AKAP13: variants seen among roughly 807,000 people sequenced by gnomAD.
AKAP13 encodes A-kinase anchor protein 13.
AKAP13 carries 80 observed loss-of-function variants against 264.5 expected under a neutral mutation model. That is an observed-to-expected ratio of 0.30 (90% confidence interval 0.25 to 0.36). AKAP13 has a LOEUF of 0.36. Among genes scored for constraint, AKAP13 ranks in the 10% least tolerant of loss-of-function variants. AKAP13 has a pLI of 1.00. For missense variants in AKAP13, 3,712 were observed against 3,435.2 expected (o/e 1.08, Z -2.01); for synonymous variants, 1,380 against 1,250.2 (o/e 1.10, Z -2.19).
intron 8 of AKAP13, among the ~76,000 whole-genome samples, chr15:85,612,123 C>T (rs997050886): frequency 3.3e-5 from 5 of 152,192 alleles, no homozygotes; most frequent in Non-Finnish European, 7.3e-5. Flanking sequence ...ACTATACAGT[C>T]CCAATAATGT....
intron 2 of AKAP13, among the ~76,000 whole-genome samples, chr15:85,487,097 C>T (rs371475869): frequency 6.6e-6 from 1 of 152,092 alleles, no homozygotes; most frequent in Admixed American, 6.5e-5. Context: ...GTGTACTGAT[C>T]CCTGAAACTA....
chr15:85,397,968 T>A (rs1457930351), intron 1 of AKAP13, among the ~76,000 whole-genome samples: 1 of 152,158 alleles, frequency 6.6e-6, no homozygotes, highest in Non-Finnish European at 1.5e-5. Flanking sequence ...ATTCTAATCC[T>A]CACAAAATGT....
intron 10 of AKAP13, among the ~76,000 whole-genome samples, chr15:85,653,352 G>T (rs185386333): frequency 6.0e-4 from 91 of 152,278 alleles, no homozygotes; most frequent in African/African-American, 2.1e-3. Flanking sequence ...TGATTCTGCT[G>T]CTCATGCCTG....
intron 2 of AKAP13, among the ~76,000 whole-genome samples, chr15:85,495,030 T>G (rs751987747): frequency 6.6e-6 from 1 of 152,136 alleles, no homozygotes; most frequent in African/African-American, 2.4e-5. Flanking sequence ...TCCTCTATAG[T>G]GAAGGAAGTA....
chr15:85,552,575 T>G (rs1234304757), intron 5 of AKAP13, among the ~76,000 whole-genome samples: 3 of 152,088 alleles, frequency 2.0e-5, no homozygotes, highest in East Asian at 1.9e-4. Flanking sequence ...CCTAACACTT[T>G]TAAAAATACA....
intron 1 of AKAP13, among the ~76,000 whole-genome samples, chr15:85,452,612 T>C (rs2074132219): frequency 6.6e-6 from 1 of 152,208 alleles, no homozygotes; most frequent in Non-Finnish European, 1.5e-5. Flanking sequence ...ACTTCTTGTT[T>C]CTGGTTTCAG....
chr15:85,541,699 A>G (rs951245054), intron 4 of AKAP13, among the ~76,000 whole-genome samples: 5 of 152,258 alleles, frequency 3.3e-5, no homozygotes, highest in African/African-American at 1.2e-4. Context: ...TGCACAATGA[A>G]GATAACCAGA....
intron 1 of AKAP13, among the ~76,000 whole-genome samples, chr15:85,460,259 G>C (rs1596251634): frequency 1.3e-5 from 2 of 152,162 alleles, no homozygotes; most frequent in East Asian, 3.9e-4. Context: ...ACTTCTAGCA[G>C]TTTTCTGACT....
chr15:85,563,999 A>G (rs2078512485), intron 5 of AKAP13, among the ~76,000 whole-genome samples: 1 of 152,196 alleles, frequency 6.6e-6, no homozygotes, highest in Non-Finnish European at 1.5e-5. Context: ...ACCTTGAACA[A>G]ATATGTTAAT....
chr15:85,648,251 C>T (rs893896624), intron 10 of AKAP13, among the ~76,000 whole-genome samples: 20 of 151,970 alleles, frequency 1.3e-4, no homozygotes, highest in Admixed American at 2.0e-4. Flanking sequence ...ATTTGTTAAA[C>T]ATTTATATAT....
intron 1 of AKAP13, among the ~76,000 whole-genome samples, chr15:85,479,659 A>T (rs2075290266): frequency 1.3e-5 from 2 of 152,158 alleles, no homozygotes; most frequent in South Asian, 4.1e-4. Context: ...GGTATGTCAG[A>T]CCTGGACAGC....
At chr15:85,693,256 T>C (rs752011645) in intron 16 of AKAP13, 21 bp from the exon 17 acceptor site, 1 of 1,585,188 alleles carries the variant, frequency 6.3e-7, no homozygotes. Flanking sequence ...TAACTGTGGA[T>C]TATTTTCTTT....
At chr15:85,548,983 T>A (rs780189716) in intron 5 of AKAP13, among the ~76,000 whole-genome samples, 6 of 151,618 alleles carry the variant, frequency 4.0e-5, no homozygotes, top group African/African-American at 1.5e-4. Flanking sequence ...AAACAATTCA[T>A]GTAGAGAGCA....
chr15:85,552,255 A>G (rs2077983492), intron 5 of AKAP13, among the ~76,000 whole-genome samples: 1 of 152,208 alleles, frequency 6.6e-6, no homozygotes, highest in Non-Finnish European at 1.5e-5. Context: ...TAAACAGCAT[A>G]TACAACTTGT....
At chr15:85,577,787 T>C in intron 6 of AKAP13, 2 of 985,222 alleles carry the variant, frequency 2.0e-6, no homozygotes, top group Non-Finnish European at 2.4e-6. Context: ...GCCATGCCAC[T>C]GTTCCTGAAA....
chr15:85,684,916 A>T (rs2084807175), intron 16 of AKAP13, 43 bp downstream of exon 16: 1 of 1,581,738 alleles, frequency 6.3e-7, no homozygotes, highest in African/African-American at 1.3e-5. Flanking sequence ...CCTCAGTAGG[A>T]TCCTGTCACA....
chr15:85,388,337 G>A (rs1012015731), intron 1 of AKAP13, among the ~76,000 whole-genome samples: 1 of 152,056 alleles, frequency 6.6e-6, no homozygotes, highest in Admixed American at 6.6e-5. Flanking sequence ...GAGCTACAGC[G>A]CTGGGCGTGA....
intron 1 of AKAP13, among the ~76,000 whole-genome samples, chr15:85,459,015 T>C (rs2074398779): frequency 6.6e-6 from 1 of 152,248 alleles, no homozygotes; most frequent in Non-Finnish European, 1.5e-5. Context: ...TATATCACTT[T>C]TGTGCGAATG....
intron 1 of AKAP13, chr15:85,415,271 C>T: frequency 1.3e-6 from 2 of 1,581,770 alleles, no homozygotes; most frequent in Admixed American, 1.7e-5. Context: ...GCCTGGTGGA[C>T]AGCAGAGGCT....
Sources: gnomAD v4.1 joint callset for allele counts (sites outside exome capture counted in the v4.1 genomes callset) on GRCh38, gnomAD v4.1.1 for gene constraint, MANE v1.5 for transcripts, NCBI Gene and HGNC (gene_info 2026-07-23, HGNC 2026-07-21) for gene names.